The following PREX1 variants were observed in gnomAD, a reference collection of about 807,000 sequenced individuals.
PREX1 encodes the protein phosphatidylinositol 3,4,5-trisphosphate-dependent Rac exchanger 1 protein.
PREX1 carries 41 observed loss-of-function variants against 198.3 expected under a neutral mutation model. The observed-to-expected ratio is 0.21, with a 90% CI of 0.16 to 0.27. PREX1 has a LOEUF of 0.27. PREX1 is among the 10% of genes least tolerant of loss of function. The pLI is 1.00. For missense variants in PREX1, 1,620 were observed against 2,200.7 expected (o/e 0.74, Z 5.28); for synonymous variants, 843 against 887.2 (o/e 0.95, Z 0.89).
chr20:48,691,477 C>T lies in PREX1; in HGVS notation c.1037-381G>A, dbSNP rs189874773. Reference sequence around the variant, plus strand: ...TGCCAGCCTGACAAGCCAAGTCAAACGTGGGACCCTTACCCAGTGCTGGCT... The same window carrying T: ...TGCCAGCCTGACAAGCCAAGTCAAATGTGGGACCCTTACCCAGTGCTGGCT... On this transcript the variant is annotated intron_variant, in intron 8 of 39. Transcript: ENST00000371941. This position sits in a 1 kb window ranked among gnomAD's most constrained non-coding sequence, Gnocchi z 5.0. 2.2e-4 allele frequency among the ~76,000 whole-genome samples: 34 copies of T among 152,270 alleles called. No individual in the cohort carries two copies. The highest frequency in any genetic ancestry group is 6.8e-3 in the Middle Eastern group (2 of 294).
At chr20:48,796,647 A>C (rs1601141298) in intron 1 of PREX1, among the ~76,000 whole-genome samples, 1 of 151,110 alleles carries the variant, frequency 6.6e-6, no homozygotes, top group East Asian at 1.9e-4. Context: ...TATATACTGT[A>C]TATATAAATA....
intron 1 of PREX1, among the ~76,000 whole-genome samples, chr20:48,788,233 G>A (rs2090322118): frequency 6.6e-6 from 1 of 152,204 alleles, no homozygotes; most frequent in Non-Finnish European, 1.5e-5. Flanking sequence ...CAGGATAGAG[G>A]CAGATGTTTG....
intron 1 of PREX1, among the ~76,000 whole-genome samples, chr20:48,816,268 T>A (rs905299628): frequency 2.6e-5 from 4 of 151,818 alleles, no homozygotes; most frequent in Middle Eastern, 3.4e-3. Flanking sequence ...GGCTCTGGAG[T>A]AGAATAATCC....
the PREX1 span, among the ~76,000 whole-genome samples, chr20:48,840,830 T>G: frequency 2.0e-5 from 3 of 152,168 alleles, no homozygotes; most frequent in Non-Finnish European, 4.4e-5. Context: ...ATTTATGTAT[T>G]TATTTATTTA....
At chr20:48,697,148 A>G (rs1332626788) in intron 7 of PREX1, among the ~76,000 whole-genome samples, 2 of 152,144 alleles carry the variant, frequency 1.3e-5, no homozygotes, top group Admixed American at 6.6e-5. Flanking sequence ...TGTGTGAGAC[A>G]CCCAAATAAA....
intron 30 of PREX1, among the ~76,000 whole-genome samples, chr20:48,638,499 C>T (rs945284048): frequency 3.9e-5 from 6 of 152,178 alleles, no homozygotes; most frequent in Admixed American, 3.3e-4. Flanking sequence ...CACAAAAGGG[C>T]TTAGAAAGAT....
the PREX1 span, among the ~76,000 whole-genome samples, chr20:48,849,914 T>C: frequency 6.6e-6 from 1 of 152,274 alleles, no homozygotes; most frequent in East Asian, 1.9e-4. Flanking sequence ...GTGGGGTGGT[T>C]ATGCTCACTC....
intron 1 of PREX1, among the ~76,000 whole-genome samples, chr20:48,823,141 A>C (rs1197411456): frequency 6.6e-6 from 1 of 152,170 alleles, no homozygotes; most frequent in Non-Finnish European, 1.5e-5. Flanking sequence ...TGTTCCTCAG[A>C]GACTCCCATC....
At chr20:48,646,399 T>C (rs2089451062) in intron 25 of PREX1, among the ~76,000 whole-genome samples, 1 of 152,090 alleles carries the variant, frequency 6.6e-6, no homozygotes, top group Non-Finnish European at 1.5e-5. Flanking sequence ...ATGAAAACAA[T>C]CAGCTGGGCG....
At chr20:48,846,856 C>T in the PREX1 span, among the ~76,000 whole-genome samples, 1 of 152,198 alleles carries the variant, frequency 6.6e-6, no homozygotes, top group South Asian at 2.1e-4. Flanking sequence ...CTGCAGCCCC[C>T]ACCCACCCAC....
intron 1 of PREX1, among the ~76,000 whole-genome samples, chr20:48,815,271 A>T (rs1322254751): frequency 1.3e-5 from 2 of 152,218 alleles, no homozygotes; most frequent in Non-Finnish European, 2.9e-5. Flanking sequence ...GAACAACACT[A>T]ACAACCACCT....
At chr20:48,878,748 G>A in the PREX1 span, among the ~76,000 whole-genome samples, 1 of 152,190 alleles carries the variant, frequency 6.6e-6, no homozygotes, top group Non-Finnish European at 1.5e-5. Flanking sequence ...GTGTGACTTA[G>A]GCCTGGCCAA....
chr20:48,634,057 G>A (rs78449595), intron 33 of PREX1, among the ~76,000 whole-genome samples: 1,664 of 149,256 alleles, frequency 0.011, 19 homozygotes, highest in Non-Finnish European at 0.017. Flanking sequence ...ATGGATGGAT[G>A]GATGAGTGGG....
chr20:48,663,897 AGTGTGAGT>A (rs1359911700), intron 15 of PREX1, among the ~76,000 whole-genome samples: 1,814 of 149,496 alleles, frequency 0.012, 35 homozygotes, highest in African/African-American at 0.043. Context: ...CACACATACA[AGTGTGAGT>A]GCGCGCACAC....
intron 5 of PREX1, among the ~76,000 whole-genome samples, chr20:48,724,804 C>A (rs2090002453): frequency 6.6e-6 from 1 of 152,238 alleles, no homozygotes; most frequent in African/African-American, 2.4e-5. Flanking sequence ...TCACACAAAG[C>A]ACATCTGCAG....
chr20:48,716,848 G>A (rs1014866363), intron 5 of PREX1, among the ~76,000 whole-genome samples: 3 of 152,106 alleles, frequency 2.0e-5, no homozygotes, highest in Non-Finnish European at 4.4e-5. Flanking sequence ...TGAGGCTGCT[G>A]GTGACCAACG....
At chr20:48,698,266 G>T (rs571911356) in intron 7 of PREX1, among the ~76,000 whole-genome samples, 1 of 152,212 alleles carries the variant, frequency 6.6e-6, no homozygotes, top group African/African-American at 2.4e-5. Context: ...TCCCTGCACA[G>T]GTGAGACGGC....
At chr20:48,788,565 A>G (rs1336482631) in intron 1 of PREX1, among the ~76,000 whole-genome samples, 2 of 152,204 alleles carry the variant, frequency 1.3e-5, no homozygotes, top group Admixed American at 6.5e-5. Flanking sequence ...TTGAGCCCCT[A>G]GATCAAACTC....
rs745355652 is a variant in PREX1 at position 48,690,988 on chromosome 20, T to G, written c.1145A>C (p.Lys382Thr). The G allele has an allele frequency of 6.2e-7, 1 of 1,614,226 alleles. No homozygotes were observed. The highest frequency in any genetic ancestry group is 8.5e-7 in the Non-Finnish European group (1 of 1,180,046). Residue 382 changes from lysine to threonine, a missense_variant, in exon 9 of 40, where the codon AAG (lysine) becomes ACG (threonine). Physicochemically the swap from Lys to Thr is moderately conservative, Grantham distance 78. Transcript: ENST00000371941. ...CMAKTAEEKQ[K>T]WLDAIIRERE... is the part of the protein sequence containing the mutation. The stretch of plus-strand genomic sequence containing the variant: ...CTCGCGGATGATGGCATCCAGCCAC[T>G]TCTGCTTCTCCTCTGCCGTCTTGGC...
Sources: gnomAD v4.1 joint callset for allele counts (sites outside exome capture counted in the v4.1 genomes callset) on GRCh38, gnomAD v4.1.1 for gene constraint, Gnocchi (gnomAD v3.1) non-coding constraint, MANE v1.5 for transcripts, NCBI Gene and HGNC (gene_info 2026-07-23, HGNC 2026-07-21) for gene names.